The following TNFSF8 variants were observed in gnomAD, a reference collection of about 807,000 sequenced individuals.
TNFSF8 encodes TNF superfamily member 8, also known as tumor necrosis factor ligand superfamily member 8.
TNFSF8 carries 4 observed loss-of-function variants against 22.0 expected under a neutral mutation model. The observed-to-expected ratio is 0.18, with a 90% CI of 0.09 to 0.42. The LOEUF (loss-of-function observed/expected upper bound fraction) is 0.42, where lower values mean the gene tolerates loss of function less well. Ranked by LOEUF, TNFSF8 falls within the 10% of genes least tolerant of loss-of-function variation. The probability of loss-of-function intolerance (pLI) is 1.00; values close to 1 mark genes in which losing one functional copy is unlikely to be tolerated. For synonymous variants in TNFSF8, 106 were observed against 112.5 expected, an observed-to-expected ratio of 0.94 and a Z score of 0.37; for missense variants, 233 against 281.8, an observed-to-expected ratio of 0.83 and a Z score of 1.24.
chr9:114,924,863 C>G (rs1371933942), intron 1 of TNFSF8, among the ~76,000 whole-genome samples: 1 of 152,204 alleles, frequency 6.6e-6, no homozygotes, highest in Non-Finnish European at 1.5e-5. Flanking sequence ...GGTCTTGCCC[C>G]TTCCACTGGG....
intron 2 of TNFSF8, among the ~76,000 whole-genome samples, chr9:114,916,854 T>C (rs895968552): frequency 6.6e-6 from 1 of 152,212 alleles, no homozygotes; most frequent in Non-Finnish European, 1.5e-5. Context: ...TGGCCCTTCG[T>C]AGAAAAAGTT....
intron 2 of TNFSF8, among the ~76,000 whole-genome samples, chr9:114,912,463 C>T (rs1180496638): frequency 6.6e-6 from 1 of 152,244 alleles, no homozygotes; most frequent in Non-Finnish European, 1.5e-5. Context: ...GATCTTGGCT[C>T]ACTGCAATCT....
chr9:114,921,934 A>G (rs111500603), intron 1 of TNFSF8, among the ~76,000 whole-genome samples: 4,602 of 152,240 alleles, frequency 0.03, 103 homozygotes, highest in Non-Finnish European at 0.047. Flanking sequence ...AGTTATTTTC[A>G]TGTATGGAGG....
chr9:114,913,619 G>C (rs182970789), intron 2 of TNFSF8, among the ~76,000 whole-genome samples: 12 of 152,308 alleles, frequency 7.9e-5, no homozygotes, highest in Middle Eastern at 3.4e-3. Context: ...TTGCGGTACT[G>C]AGTTTTCCCA....
At chr9:114,894,253 T>G (rs1827634330) in intron 4 of TNFSF8, 1 of 1,117,766 alleles carries the variant, frequency 8.9e-7, no homozygotes, top group African/African-American at 1.5e-5. Flanking sequence ...GCCCACAGTT[T>G]AGCAGGGAGG....
downstream of TNFSF8, among the ~76,000 whole-genome samples, chr9:114,898,491 T>C (rs1587928960): frequency 6.6e-6 from 1 of 151,854 alleles, no homozygotes; most frequent in Admixed American, 6.6e-5. Flanking sequence ...AGTTAGGAGG[T>C]ATTGAGAGTG....
intron 2 of TNFSF8, among the ~76,000 whole-genome samples, chr9:114,915,286 A>G (rs75128258): frequency 0.017 from 2,609 of 152,266 alleles, 93 homozygotes; most frequent in East Asian, 0.13. Context: ...TACATATTGT[A>G]CAAAAGAATT....
At position 114,901,688 on chromosome 9, in the gene TNFSF8, A is replaced by G. The variant is rs930310828; in HGVS notation, c.*2243T>C. The G allele has an allele frequency of 6.1e-6, 6 of 985,232 alleles. No individual in the cohort carries two copies. In the African/African-American group the frequency reaches 8.7e-5, roughly 14 times the overall value. The allele number at this position is 985,232 out of a possible 1,614,324, so 61.0% of individuals were successfully genotyped here. A position where few individuals can be genotyped will look rare whatever the true frequency, so the allele number is the denominator to read the frequency against. ...AGTCTCAAAGTCTGTTTTGTTTTTT[A>G]CCACAGACCATTTGGCTTGCTGAAT... is the stretch of plus-strand genomic sequence containing the variant. On this transcript the variant is annotated 3_prime_UTR_variant, in exon 4 of 4. Coordinates refer to ENST00000223795, the MANE Select transcript of TNFSF8 (RefSeq NM_001244.4).
At chr9:114,907,365 C>G (rs1173533978) in intron 2 of TNFSF8, among the ~76,000 whole-genome samples, 1 of 152,142 alleles carries the variant, frequency 6.6e-6, no homozygotes, top group Non-Finnish European at 1.5e-5. Context: ...TGTTGCAGCC[C>G]ACAGCCCACA....
In TNFSF8 at chr9:114,904,158, A is replaced by G; in HGVS notation, c.478T>C (p.Leu160=). 1 of 1,614,116 alleles carries G rather than the reference A, an allele frequency of 6.2e-7. No homozygotes were observed. Among genetic ancestry groups the G allele is most frequent in the East Asian group, 2.2e-5 (1 of 44,880 alleles). The change falls in exon 4 of 4, where the codon TTG becomes CTG. Residue 160 remains leucine (L), a synonymous_variant. Transcript: ENST00000223795. ...QCPNNSVDLK[L]ELLINKHIKK... is the part of the protein sequence containing the mutation. The stretch of plus-strand genomic sequence containing the variant: ...ATATGCTTGTTGATGAGAAGCTCCA[A>G]CTTCAGATCGACAGAATTATTTGGG...
rs767821859 is a variant in TNFSF8, at chr9:114,903,577, C to G, written c.*354G>C. On this transcript the variant is annotated 3_prime_UTR_variant, in exon 4 of 4. Transcript: ENST00000223795. ...CATTAGGGCAGAGTTGCTAGCTGCTCTGGTACTGGAGCCCCATTTTAACTG... is the reference window on the plus strand; with the variant it reads ...CATTAGGGCAGAGTTGCTAGCTGCTGTGGTACTGGAGCCCCATTTTAACTG... 8 of 446,748 alleles carry G rather than the reference C, an allele frequency of 1.8e-5. No individual in the cohort carries two copies. Among genetic ancestry groups the G allele is most frequent in the East Asian group, 1.3e-4 (1 of 7,710 alleles). The allele number at this position is 446,748 out of a possible 1,614,324, so 27.7% of individuals were successfully genotyped here.
chr9:114,930,230 C>A lies in TNFSF8; in HGVS notation c.74G>T (p.Gly25Val). ...PGDTAMHVPA[G>V]SVASHLGTTS... is the part of the protein sequence containing the mutation. Reference sequence around the variant, plus strand: ...GGTCCCCAGGTGGCTGGCCACGGAGCCCGCCGGCACATGCATGGCTGTGTC... The same window carrying A: ...GGTCCCCAGGTGGCTGGCCACGGAGACCGCCGGCACATGCATGGCTGTGTC... Residue 25 changes from glycine (G) to valine (V), a missense_variant, in exon 1 of 4, where the codon GGC becomes GTC. By Grantham distance (109) the Gly-to-Val change is moderately radical (BLOSUM62 -3). Transcript: ENST00000223795. 1 of 1,607,620 alleles carries A rather than the reference C, an allele frequency of 6.2e-7. No homozygotes were observed. The highest frequency in any genetic ancestry group is 8.5e-7 in the Non-Finnish European group (1 of 1,176,844).
At chr9:114,911,899 G>A (rs991967177) in intron 2 of TNFSF8, among the ~76,000 whole-genome samples, 11 of 152,104 alleles carry the variant, frequency 7.2e-5, no homozygotes, top group Admixed American at 6.5e-4. Context: ...TAAGTAAGAA[G>A]CATCTTTAAA....
intron 2 of TNFSF8, 87 bp from the exon 3 acceptor site, chr9:114,905,986 G>C (rs1827780696): frequency 2.3e-6 from 2 of 860,536 alleles, no homozygotes; most frequent in South Asian, 1.4e-5. Context: ...CACTTTGATG[G>C]AGACAATTAC....
intron 2 of TNFSF8, among the ~76,000 whole-genome samples, chr9:114,915,970 A>G (rs1827913413): frequency 6.6e-6 from 1 of 152,214 alleles, no homozygotes; most frequent in African/African-American, 2.4e-5. Context: ...CCAGATAAGA[A>G]GAAATGTGAT....
intron 2 of TNFSF8, among the ~76,000 whole-genome samples, chr9:114,910,057 C>G (rs1381230676): frequency 1.3e-5 from 2 of 152,190 alleles, no homozygotes; most frequent in Non-Finnish European, 2.9e-5. Context: ...ACAACCCTAG[C>G]ACTGCCTGAA....
intron 1 of TNFSF8, among the ~76,000 whole-genome samples, chr9:114,927,257 T>A (rs980510327): frequency 1.3e-5 from 2 of 151,986 alleles, no homozygotes; most frequent in African/African-American, 4.8e-5. Flanking sequence ...ACAGGGATTT[T>A]GTTGTTTTTT....
chr9:114,920,368 C>T (rs543405331), intron 1 of TNFSF8, among the ~76,000 whole-genome samples: 4 of 152,256 alleles, frequency 2.6e-5, no homozygotes, highest in South Asian at 2.1e-4. Flanking sequence ...GCTAGCAGTT[C>T]GGGAAGTCCT....
chr9:114,926,669 A>C (rs1347399079), intron 1 of TNFSF8, among the ~76,000 whole-genome samples: 1 of 152,140 alleles, frequency 6.6e-6, no homozygotes, highest in East Asian at 1.9e-4. Context: ...TTGTCAAGTG[A>C]ATAAAGCAAG....
Sources: allele counts gnomAD v4.1 joint callset (sites outside exome capture counted in the v4.1 genomes callset), GRCh38; gene constraint gnomAD v4.1.1; transcripts MANE v1.5; gene names NCBI Gene and HGNC (gene_info 2026-07-23, HGNC 2026-07-21).